Variants in ARHGEF28 observed in about 807,000 individuals in gnomAD.
ARHGEF28 encodes the protein 190 kDa guanine nucleotide exchange factor.
In ARHGEF28, 152 loss-of-function variants were observed where a neutral mutation model predicts 206.6. That is an observed-to-expected ratio of 0.74 (90% confidence interval 0.64 to 0.84). The LOEUF (loss-of-function observed/expected upper bound fraction) is 0.84. Among genes scored for constraint, ARHGEF28 ranks in the 40% least tolerant of loss-of-function variants. The pLI, the probability that ARHGEF28 is intolerant of heterozygous loss-of-function variation, is 0.00. For missense variants in ARHGEF28, 2,028 were observed against 2,073.2 expected, an observed-to-expected ratio of 0.98 and a Z score of 0.42; for synonymous variants, 763 against 776.4, an observed-to-expected ratio of 0.98 and a Z score of 0.29.
chr5:73,665,316 T>G (rs1269907180), intron 1 of ARHGEF28, among the ~76,000 whole-genome samples: 1 of 152,164 alleles, frequency 6.6e-6, no homozygotes, highest in Non-Finnish European at 1.5e-5. Context: ...TACCATTCCC[T>G]TAGTCTATTT....
intron 7 of ARHGEF28, among the ~76,000 whole-genome samples, chr5:73,793,762 A>G (rs1754622736): frequency 6.6e-6 from 1 of 151,370 alleles, no homozygotes; most frequent in Non-Finnish European, 1.5e-5. Context: ...GAACCAATCA[A>G]TTAAACCACA....
intron 33 of ARHGEF28, chr5:73,905,133 C>T (rs1357983594): frequency 5.9e-5 from 9 of 152,356 alleles, no homozygotes; most frequent in Non-Finnish European, 2.9e-5. Flanking sequence ...AACTCCGCCT[C>T]CTGTGAGATC....
intron 1 of ARHGEF28, among the ~76,000 whole-genome samples, chr5:73,632,218 G>A (rs1446966658): frequency 6.6e-6 from 1 of 152,178 alleles, no homozygotes; most frequent in Admixed American, 6.5e-5. Context: ...TACAGGGGGA[G>A]GAGGGCAAAG....
chr5:73,771,400 T>C (rs1365068015), intron 4 of ARHGEF28, among the ~76,000 whole-genome samples: 1 of 151,814 alleles, frequency 6.6e-6, no homozygotes, highest in Non-Finnish European at 1.5e-5. Flanking sequence ...ATACAAAAAT[T>C]AGCTGGGGGT....
intron 35 of ARHGEF28, among the ~76,000 whole-genome samples, chr5:73,916,801 T>C (rs922746587): frequency 3.9e-5 from 6 of 152,206 alleles, no homozygotes; most frequent in Non-Finnish European, 4.4e-5. Context: ...TAATTTAATA[T>C]TAAAAAGCCT....
At chr5:73,849,612 T>C (rs973636744) in intron 13 of ARHGEF28, among the ~76,000 whole-genome samples, 1 of 124,558 alleles carries the variant, frequency 8.0e-6, no homozygotes, top group African/African-American at 3.6e-5. Context: ...ATTAGAAATA[T>C]AACTTTTAGG....
At chr5:73,845,127 C>T (rs1467713482) in intron 11 of ARHGEF28, among the ~76,000 whole-genome samples, 1 of 143,948 alleles carries the variant, frequency 6.9e-6, no homozygotes, top group Non-Finnish European at 1.5e-5. Context: ...ACGCCATTTT[C>T]CTGCCTTAGC....
intron 10 of ARHGEF28, among the ~76,000 whole-genome samples, chr5:73,835,484 A>C (rs945150299): frequency 2.0e-5 from 3 of 150,684 alleles, no homozygotes; most frequent in South Asian, 4.2e-4. Flanking sequence ...AAAAAAAAAA[A>C]CCCAAAAGGA....
chr5:73,640,995 A>G (rs1298195309), intron 1 of ARHGEF28, among the ~76,000 whole-genome samples: 2 of 152,182 alleles, frequency 1.3e-5, no homozygotes, highest in Non-Finnish European at 2.9e-5. Context: ...TGTGGAGCCA[A>G]TTCAAATTAG....
chr5:73,631,291 A>G (rs35522414), intron 1 of ARHGEF28, among the ~76,000 whole-genome samples: 2 of 151,980 alleles, frequency 1.3e-5, no homozygotes, highest in Non-Finnish European at 2.9e-5. Context: ...GTCTTTTCCC[A>G]CTAAGACCCT....
intron 12 of ARHGEF28, among the ~76,000 whole-genome samples, chr5:73,848,385 C>T (rs1758494096): frequency 6.6e-6 from 1 of 152,088 alleles, no homozygotes; most frequent in Non-Finnish European, 1.5e-5. Flanking sequence ...ATCCAAACAT[C>T]CACCCCAGAA....
intron 35 of ARHGEF28, chr5:73,923,118 G>A: frequency 6.5e-7 from 1 of 1,535,792 alleles, no homozygotes; most frequent in Non-Finnish European, 8.7e-7. Context: ...GTTGTACGTT[G>A]ACATCTCCCC....
rs1356184710 is a variant in ARHGEF28 at position 73,763,717 on chromosome 5, TC to T, written c.476-10137del. On this transcript the variant is annotated intron_variant, in intron 4 of 35. Coordinates refer to ENST00000513042, the MANE Select transcript of ARHGEF28 (RefSeq NM_001177693.2). ...GAGTGAAATGAATGGTGGACTTGAA[TC>T]ATAGCCTTGAAGCAACATTAACAAA... Among the ~76,000 whole-genome samples the T allele has an allele frequency of 4.1e-3, 618 of 152,188 alleles. 3 individuals carry two copies. The highest frequency in any genetic ancestry group is 0.014 in the African/African-American group (585 of 41,516).
At chr5:73,741,755 C>T (rs58864160) in intron 2 of ARHGEF28, among the ~76,000 whole-genome samples, 81 of 151,980 alleles carry the variant, frequency 5.3e-4, no homozygotes, top group African/African-American at 1.7e-3. Flanking sequence ...GTGTTTAATG[C>T]AGAGGTTTGA....
chr5:73,937,701 G>C (rs1020173127), intron 35 of ARHGEF28, among the ~76,000 whole-genome samples: 6 of 152,076 alleles, frequency 3.9e-5, no homozygotes, highest in African/African-American at 1.4e-4. Flanking sequence ...AATGAAACTG[G>C]GTGATTACTT....
At chr5:73,774,130 G>T in intron 5 of ARHGEF28, 92 bp downstream of exon 5, 1 of 1,203,576 alleles carries the variant, frequency 8.3e-7, no homozygotes. Flanking sequence ...ACAAGCTAAT[G>T]TTGGTTTATG....
Position 73,885,835 on chromosome 5 carries a change from C to T in ARHGEF28, c.3056-15C>T. On this transcript the variant is annotated splice_polypyrimidine_tract_variant and intron_variant, in intron 24 of 35. Coordinates refer to ENST00000513042, the MANE Select transcript of ARHGEF28 (RefSeq NM_001177693.2). ...GTATAGTATTTTTGTTTGTTTGTTT[C>T]TTTTTCCCACGCAGAAAGAACTGAG... 2 of 1,590,324 alleles carry T rather than the reference C, an allele frequency of 1.3e-6. No individual in the cohort carries two copies. Among genetic ancestry groups the T allele is most frequent in the East Asian group, 2.2e-5 (1 of 44,618 alleles).
At chr5:73,650,019 G>A (rs905249054) in intron 1 of ARHGEF28, among the ~76,000 whole-genome samples, 4 of 152,184 alleles carry the variant, frequency 2.6e-5, no homozygotes, top group Non-Finnish European at 1.5e-5. Context: ...TGGGGAGAGG[G>A]AGAAGTGTAA....
chr5:73,708,841 T>G (rs1349075981), intron 2 of ARHGEF28, among the ~76,000 whole-genome samples: 1 of 152,222 alleles, frequency 6.6e-6, no homozygotes, highest in Non-Finnish European at 1.5e-5. Flanking sequence ...TGTATAAGCA[T>G]TCCCTTTTCT....
Sources: allele counts gnomAD v4.1 joint callset (sites outside exome capture counted in the v4.1 genomes callset), GRCh38; gene constraint gnomAD v4.1.1; transcripts MANE v1.5; gene names NCBI Gene and HGNC (gene_info 2026-07-23, HGNC 2026-07-21).